RGS11: variants seen among roughly 807,000 people sequenced by gnomAD.
The protein encoded by RGS11 is regulator of G-protein signaling 11.
RGS11 carries 86 observed loss-of-function variants against 71.1 expected under a neutral mutation model. The ratio of observed to expected loss-of-function variants is 1.21; its 90% CI spans 1.02 to 1.45. The LOEUF (loss-of-function observed/expected upper bound fraction) is 1.45. Ranked by LOEUF, RGS11 falls within the 40% of genes most tolerant of loss-of-function variation. The probability of loss-of-function intolerance (pLI) is 0.00; values close to 1 mark genes in which losing one functional copy is unlikely to be tolerated. For missense variants in RGS11, 734 were observed against 635.1 expected (o/e 1.16, Z -1.67); for synonymous variants, 298 against 254.2 (o/e 1.17, Z -1.64).
Position 268,967 on chromosome 16 carries a change from G to C in RGS11, c.*302C>G, listed in dbSNP as rs779102377. On this transcript the variant is annotated 3_prime_UTR_variant, in exon 17 of 17. Coordinates refer to ENST00000397770, the MANE Select transcript of RGS11 (RefSeq NM_183337.3). ...CAGTGCTGGACTGAAGACCAGAGAA[G>C]GTGGAGCTCCCTGTGGCCTTGGTCT... 6.5e-7 allele frequency: 1 copy of C among 1,546,022 alleles called. No homozygotes were observed. The highest frequency in any genetic ancestry group is 8.7e-7 in the Non-Finnish European group (1 of 1,142,876).
At chr16:271,826 A>G (rs905485788) in intron 9 of RGS11, 11 of 555,304 alleles carry the variant, frequency 2.0e-5, no homozygotes, top group East Asian at 2.9e-5. Flanking sequence ...CAACTGTAAT[A>G]TGTCATTTTT....
chr16:273,294 C>T (rs1437492354), intron 8 of RGS11, among the ~76,000 whole-genome samples, 181 bp downstream of exon 8: 1 of 152,216 alleles, frequency 6.6e-6, no homozygotes. Context: ...GGATGGAGAC[C>T]TGGGTTCTGA....
At position 275,043 on chromosome 16, in the gene RGS11, T is replaced by G; in HGVS notation, c.251A>C (p.Tyr84Ser). 1.3e-6 allele frequency: 2 copies of G among 1,497,176 alleles called. No individual in the cohort carries two copies. Among genetic ancestry groups the G allele is most frequent in the Non-Finnish European group, 8.9e-7 (1 of 1,120,446 alleles). 92.7% of individuals were successfully genotyped at this position (1,497,176 alleles called of 1,614,324 possible). A position where few individuals can be genotyped will look rare whatever the true frequency, so the allele number is the denominator to read the frequency against. ...HLGAVLVQHG[Y>S]IYPLRDPRSL... is the part of the protein sequence containing the mutation. ...ACGGGGGTCGCGCAGCGGGTAGATGTAGCCATGCTGCACCAGGACGGCGCC... is the reference window on the plus strand; with the variant it reads ...ACGGGGGTCGCGCAGCGGGTAGATGGAGCCATGCTGCACCAGGACGGCGCC... Residue 84 changes from tyrosine (Y) to serine (S), a missense_variant, in exon 4 of 17, where the codon TAC (tyrosine) becomes TCC (serine). By Grantham distance (144) the Tyr-to-Ser change is moderately radical (BLOSUM62 -2). Coordinates refer to ENST00000397770, the MANE Select transcript of RGS11 (RefSeq NM_183337.3).
rs756272311 is a variant in RGS11, at chr16:271,580, A to C, written c.658-11T>G. On this transcript the variant is annotated splice_polypyrimidine_tract_variant and intron_variant, in intron 9 of 16. Coordinates refer to ENST00000397770, the MANE Select transcript of RGS11 (RefSeq NM_183337.3). ...ATCTGCACTCTTGGTCTAGAAGGGG[A>C]TAGGTGGGCTGCAGTTAGATGCAGG... is the stretch of plus-strand genomic sequence containing the variant. The C allele has an allele frequency of 6.2e-7, 1 of 1,613,804 alleles. No individual in the cohort carries two copies. Among genetic ancestry groups the C allele is most frequent in the Non-Finnish European group, 8.5e-7 (1 of 1,179,904 alleles).
chr16:275,132 C>A (rs1290069034), intron 3 of RGS11, 50 bp from the exon 4 acceptor site: 5 of 1,497,878 alleles, frequency 3.3e-6, no homozygotes, highest in Admixed American at 2.2e-5. Flanking sequence ...CGGGCGAGGG[C>A]GGGACGAGCC....
chr16:270,004 C>G (rs912473100), intron 15 of RGS11: 1 of 152,140 alleles, frequency 6.6e-6, no homozygotes, highest in Admixed American at 6.0e-5. Flanking sequence ...AATCCCAGCA[C>G]TTTGGGAGGC....
chr16:270,762 A>G lies in RGS11; in HGVS notation c.1049T>C (p.Leu350Pro). The G allele has an allele frequency of 6.2e-7, 1 of 1,612,536 alleles. No individual in the cohort carries two copies. Among genetic ancestry groups the G allele is most frequent in the Non-Finnish European group, 8.5e-7 (1 of 1,179,876 alleles). Residue 350 changes from leucine to proline, a missense_variant, in exon 14 of 17, where the codon CTG (leucine) becomes CCG (proline). Physicochemically the swap from Leu to Pro is moderately conservative, Grantham distance 98. Coordinates refer to ENST00000397770, the MANE Select transcript of RGS11 (RefSeq NM_183337.3). ...RYGAQAQVPT[L>P]VDAVYEQFLA... ...CACTTACTCGTACACGGCATCCACC[A>G]GGGTGGGGACCTGGGCCTGCGCTCC...
chr16:275,537 C>A, intron 1 of RGS11, 39 bp from the exon 2 acceptor site: 2 of 1,473,520 alleles, frequency 1.4e-6, no homozygotes, highest in Non-Finnish European at 1.8e-6. Flanking sequence ...CTGGCCGCCC[C>A]GCAACCCTGA....
At chr16:272,265 G>C (rs2051971686) in intron 9 of RGS11, 2 of 1,236,178 alleles carry the variant, frequency 1.6e-6, no homozygotes, top group Non-Finnish European at 2.1e-6. Flanking sequence ...TGGGGCCAGA[G>C]CGGAGGAGGC....
At chr16:275,380 C>T (rs774694777) in intron 2 of RGS11, 22 bp downstream of exon 2, 18 of 1,609,308 alleles carry the variant, frequency 1.1e-5, no homozygotes, top group East Asian at 4.5e-5. Context: ...CGCGCACGCA[C>T]CCCCGCCCCG....
chr16:268,653 A>T lies in RGS11; in HGVS notation c.*616T>A. 1.0e-6 allele frequency: 1 copy of T among 965,094 alleles called. No individual in the cohort carries two copies. Among genetic ancestry groups the T allele is most frequent in the Non-Finnish European group, 1.5e-6 (1 of 647,488 alleles). 59.8% of individuals were successfully genotyped at this position (965,094 alleles called of 1,614,324 possible). ...GGCCGCGGCCTCGAGGTGGGAAAGC[A>T]GGTGCCGGCGCACCTGTGGACAAAT... On this transcript the variant is annotated 3_prime_UTR_variant, in exon 17 of 17. Coordinates refer to ENST00000397770, the MANE Select transcript of RGS11 (RefSeq NM_183337.3).
rs770134289 is a variant in RGS11 at position 275,068 on chromosome 16, C to G, written c.226G>C (p.Gly76Arg). The change falls in exon 4 of 17, where the codon GGC (glycine) becomes CGC (arginine). Residue 76 changes from glycine to arginine, a missense_variant. By Grantham distance (125) the Gly-to-Arg change is moderately radical. Transcript: ENST00000397770. Reference sequence around the variant, plus strand: ...TAGCCATGCTGCACCAGGACGGCGCCCAGGTGCAGGGCCTCTGGGGAGGGG... The same window carrying G: ...TAGCCATGCTGCACCAGGACGGCGCGCAGGTGCAGGGCCTCTGGGGAGGGG... ...CVSEEEALHL[G>R]AVLVQHGYIY... 1.4e-6 allele frequency: 2 copies of G among 1,481,112 alleles called. No individual in the cohort carries two copies. Among genetic ancestry groups the G allele is most frequent in the Non-Finnish European group, 1.8e-6 (2 of 1,114,634 alleles). 91.7% of individuals were successfully genotyped at this position (1,481,112 alleles called of 1,614,324 possible).
chr16:272,852 C>CA lies in RGS11; in HGVS notation c.657+10dup, dbSNP rs760852952. 4.2e-5 allele frequency: 65 copies of CA among 1,542,202 alleles called. No homozygotes were observed. The African/African-American group carries it at 8.8e-4, about 21-fold the overall frequency. On this transcript the variant is annotated intron_variant, in intron 9 of 16. Coordinates refer to ENST00000397770, the MANE Select transcript of RGS11 (RefSeq NM_183337.3). ...GGTGAGAGGGCGGCCAGCACGCACGCAGGGGCTCACCATGAGCACACGGCT... is the reference window on the plus strand; with the variant it reads ...GGTGAGAGGGCGGCCAGCACGCACGCAAGGGGCTCACCATGAGCACACGGCT...
intron 3 of RGS11, 43 bp downstream of exon 3, chr16:275,240 C>T (rs1263377010): frequency 3.7e-6 from 6 of 1,610,336 alleles, no homozygotes; most frequent in Non-Finnish European, 5.1e-6. Context: ...CCTAGGCCAC[C>T]AGCCCAGTGA....
chr16:275,647 CGGGCCGGGGA>C (rs749531352), intron 1 of RGS11, 149 bp from the exon 2 acceptor site: 253,577 of 563,260 alleles, frequency 0.45, 61,342 homozygotes, highest in South Asian at 0.51. Context: ...GGACGCGGGG[CGGGCCGGGGA>C]GGGCCGGGGA....
At chr16:275,719 C>G (rs1158116462) in intron 1 of RGS11, 130 bp downstream of exon 1, 21 of 417,400 alleles carry the variant, frequency 5.0e-5, no homozygotes, top group Non-Finnish European at 7.7e-5. Flanking sequence ...CGCCGCCCCT[C>G]CCGGCCTCGC....
In RGS11 at chr16:268,411, C is replaced by A; in HGVS notation, c.*858G>T. On this transcript the variant is annotated 3_prime_UTR_variant, in exon 17 of 17. Transcript: ENST00000397770. ...ATGGGTGGGGATGGCACCGCCCTACCGCCGAGAGAGTTGAAGCTGCACCCC... is the reference window on the plus strand; with the variant it reads ...ATGGGTGGGGATGGCACCGCCCTACAGCCGAGAGAGTTGAAGCTGCACCCC... The A allele has an allele frequency of 3.0e-6, 1 of 330,184 alleles. No homozygotes were observed. Among genetic ancestry groups the A allele is most frequent in the East Asian group, 6.9e-5 (1 of 14,454 alleles). 20.5% of individuals were successfully genotyped at this position (330,184 alleles called of 1,614,324 possible).
chr16:271,830 C>T, intron 9 of RGS11: 1 of 553,652 alleles, frequency 1.8e-6, no homozygotes, highest in South Asian at 2.4e-5. Context: ...TGTAATATGT[C>T]ATTTTTTTTT....
At chr16:272,072 G>T in intron 9 of RGS11, 1 of 763,062 alleles carries the variant, frequency 1.3e-6, no homozygotes, top group Non-Finnish European at 1.7e-6. Flanking sequence ...CTGAACTCAG[G>T]TGATCTGCCC....
Sources: allele counts gnomAD v4.1 joint callset (sites outside exome capture counted in the v4.1 genomes callset), GRCh38; gene constraint gnomAD v4.1.1; transcripts MANE v1.5; gene names NCBI Gene and HGNC (gene_info 2026-07-23, HGNC 2026-07-21).